The following LAPTM5 variants were observed in gnomAD, a reference collection of about 807,000 sequenced individuals.
The protein encoded by LAPTM5 is lysosomal-associated transmembrane protein 5.
Under a neutral mutation model 30.1 loss-of-function variants are expected in LAPTM5, and 11 were observed. The observed-to-expected ratio is 0.37, with a 90% CI of 0.23 to 0.60. LAPTM5 has a LOEUF of 0.60. Among genes scored for constraint, LAPTM5 ranks in the 20% least tolerant of loss-of-function variants. The pLI is 0.71. For synonymous variants in LAPTM5, 151 were observed against 137.9 expected (o/e 1.10, Z -0.67); for missense variants, 324 against 332.5 (o/e 0.97, Z 0.20).
At position 30,741,757 on chromosome 1, in the gene LAPTM5, CT is replaced by C. The variant is rs146237962; in HGVS notation, c.182-42del. Reference sequence around the variant, plus strand: ...AGCAGGGAGGTGCTCAGGGGTGCCCCTGGGACCCCAGCCAGGCTCCCAGGAC... The same window carrying C: ...AGCAGGGAGGTGCTCAGGGGTGCCCCGGGACCCCAGCCAGGCTCCCAGGAC... On this transcript the variant is annotated intron_variant, in intron 2 of 7. Coordinates refer to ENST00000294507, the MANE Select transcript of LAPTM5 (RefSeq NM_006762.3). The C allele has an allele frequency of 4.7e-3, 6,986 of 1,495,802 alleles. 250 individuals carry two copies. The African/African-American group carries it at 0.082, about 18-fold the overall frequency. The allele number at this position is 1,495,802 out of a possible 1,614,324, so 92.7% of individuals were successfully genotyped here.
intron 1 of LAPTM5, among the ~76,000 whole-genome samples, chr1:30,756,040 T>C (rs1640205265): frequency 1.3e-5 from 2 of 152,172 alleles, no homozygotes; most frequent in African/African-American, 4.8e-5. Context: ...ACCTTACCCC[T>C]GACTTTATAA....
chr1:30,747,905 C>T (rs186983406), intron 1 of LAPTM5, among the ~76,000 whole-genome samples: 2 of 152,162 alleles, frequency 1.3e-5, no homozygotes, highest in African/African-American at 4.8e-5. Context: ...ATCAGAGATG[C>T]TGTTGGTGAT....
In LAPTM5 at chr1:30,757,758, C is replaced by T. The variant is rs779928513; in HGVS notation, c.-13G>A. 6.2e-7 allele frequency: 1 copy of T among 1,611,872 alleles called. No individual in the cohort carries two copies. The highest frequency in any genetic ancestry group is 1.7e-5 in the Admixed American group (1 of 59,914). On this transcript the variant is annotated 5_prime_UTR_variant, in exon 1 of 8. Coordinates refer to ENST00000294507, the MANE Select transcript of LAPTM5 (RefSeq NM_006762.3). ...AGCGGGGGTCCATGGTGCTGCCGTC[C>T]CCTCCTCTGAGACACTGAAGGGGAA... is the stretch of plus-strand genomic sequence containing the variant.
Position 30,733,823 on chromosome 1 carries a change from G to A in LAPTM5, c.*5C>T, listed in dbSNP as rs766623674. Reference sequence around the variant, plus strand: ...CCCAGCACTGGGGCTGGGGCCTGGCGAGGGTCACACCTCTGAGTATGGGGG... The same window carrying A: ...CCCAGCACTGGGGCTGGGGCCTGGCAAGGGTCACACCTCTGAGTATGGGGG... On this transcript the variant is annotated 3_prime_UTR_variant, in exon 8 of 8. Transcript: ENST00000294507. The A allele has an allele frequency of 5.6e-6, 9 of 1,601,268 alleles. No individual in the cohort carries two copies. The highest frequency in any genetic ancestry group is 1.7e-4 in the Middle Eastern group (1 of 6,014).
chr1:30,750,781 G>T (rs751925799), intron 1 of LAPTM5, among the ~76,000 whole-genome samples: 1 of 152,198 alleles, frequency 6.6e-6, no homozygotes, highest in African/African-American at 2.4e-5. Flanking sequence ...CTGTAAAATG[G>T]AGGCCCCCGT....
chr1:30,736,860 T>C (rs1289478290), intron 6 of LAPTM5, among the ~76,000 whole-genome samples: 52 of 152,184 alleles, frequency 3.4e-4, no homozygotes, highest in Admixed American at 3.4e-3. Flanking sequence ...CAGGCCCCCA[T>C]TGTGGCCTCT....
rs183394200 is a variant in LAPTM5 at position 30,743,433 on chromosome 1, G to A, written c.88-884C>T. On this transcript the variant is annotated intron_variant, in intron 1 of 7. Coordinates refer to ENST00000294507, the MANE Select transcript of LAPTM5 (RefSeq NM_006762.3). Reference sequence around the variant, plus strand: ...TGGCCCTAGAAACAACTGAAGTTCAGCCACAAAACTGCAGTTTTAAAGAAC... The same window carrying A: ...TGGCCCTAGAAACAACTGAAGTTCAACCACAAAACTGCAGTTTTAAAGAAC... Among the ~76,000 whole-genome samples, 387 of 152,264 alleles carry A rather than the reference G, an allele frequency of 2.5e-3. 2 individuals are homozygous for A. Among genetic ancestry groups the A allele is most frequent in the African/African-American group, 8.8e-3 (367 of 41,536 alleles).
At chr1:30,752,584 G>A (rs1480043788) in intron 1 of LAPTM5, among the ~76,000 whole-genome samples, 1 of 152,212 alleles carries the variant, frequency 6.6e-6, no homozygotes, top group Non-Finnish European at 1.5e-5. Context: ...CCTCCTCCAA[G>A]AAGCTATTCC....
chr1:30,757,568 C>A, intron 1 of LAPTM5, 91 bp downstream of exon 1: 2 of 1,349,468 alleles, frequency 1.5e-6, no homozygotes, highest in Non-Finnish European at 2.1e-6. Context: ...GGAGTTCTTT[C>A]ATTTGTGGGG....
intron 6 of LAPTM5, among the ~76,000 whole-genome samples, chr1:30,736,340 G>A (rs1639884839): frequency 1.3e-5 from 2 of 152,206 alleles, no homozygotes; most frequent in Non-Finnish European, 2.9e-5. Context: ...AAAGGCTGGG[G>A]GGAAATGCAC....
chr1:30,733,938 A>G, intron 7 of LAPTM5, 21 bp from the exon 8 acceptor site: 1 of 1,606,412 alleles, frequency 6.2e-7, no homozygotes, highest in Non-Finnish European at 8.5e-7. Context: ...CAGAGAGATG[A>G]GGGCTGAGTA....
rs534439389 is a variant in LAPTM5 at position 30,743,027 on chromosome 1, T to C, written c.88-478A>G. 1.2e-4 allele frequency among the ~76,000 whole-genome samples: 18 copies of C among 152,290 alleles called. No individual in the cohort carries two copies. In the South Asian group the frequency reaches 2.3e-3, roughly 19 times the overall value. ...AAGCTCTGGGGATCAGAGAGCACCATAGAGCTTCAGGTTCCCGGAATCATC... is the reference window on the plus strand; with the variant it reads ...AAGCTCTGGGGATCAGAGAGCACCACAGAGCTTCAGGTTCCCGGAATCATC... On this transcript the variant is annotated intron_variant, in intron 1 of 7. Coordinates refer to ENST00000294507, the MANE Select transcript of LAPTM5 (RefSeq NM_006762.3).
intron 7 of LAPTM5, among the ~76,000 whole-genome samples, chr1:30,734,179 C>T (rs1368186097): frequency 6.6e-6 from 1 of 152,316 alleles, no homozygotes; most frequent in Admixed American, 6.5e-5. Flanking sequence ...CTTGGGAAAA[C>T]ATTCTCAGTC....
In LAPTM5 at chr1:30,757,737, G is replaced by A. The variant is rs143468732; in HGVS notation, c.9C>T (p.Pro3=). ...AGGTCTGGCGGACAGTGGACAAGCG[G>A]GGGTCCATGGTGCTGCCGTCCCCTC... MD[P]RLSTVRQTCC... Residue 3 remains proline (P), a synonymous_variant, in exon 1 of 8, where the codon CCC becomes CCT. Coordinates refer to ENST00000294507, the MANE Select transcript of LAPTM5 (RefSeq NM_006762.3). 6 of 1,613,504 alleles carry A rather than the reference G, an allele frequency of 3.7e-6. No individual in the cohort carries two copies. The African/African-American group carries it at 4.0e-5, about 11-fold the overall frequency.
At chr1:30,738,841 A>C (rs1006032351) in intron 5 of LAPTM5, 99 bp downstream of exon 5, 12 of 1,328,060 alleles carry the variant, frequency 9.0e-6, no homozygotes, top group Non-Finnish European at 1.2e-5. Context: ...CTCCAACTCC[A>C]GGGAACCTGG....
chr1:30,733,421 T>G lies in LAPTM5; in HGVS notation c.*407A>C. ...GAACTGACAACTATTTATAAATCAA[T>G]GCAATAGACTGTTGTTTGACCAAAT... On this transcript the variant is annotated 3_prime_UTR_variant, in exon 8 of 8. Coordinates refer to ENST00000294507, the MANE Select transcript of LAPTM5 (RefSeq NM_006762.3). 9 of 800,014 alleles carry G rather than the reference T, an allele frequency of 1.1e-5. No individual in the cohort carries two copies. Among genetic ancestry groups the G allele is most frequent in the Non-Finnish European group, 1.5e-5 (9 of 584,010 alleles). 49.6% of individuals were successfully genotyped at this position (800,014 alleles called of 1,614,324 possible).
At chr1:30,753,157 A>G (rs1640162208) in intron 1 of LAPTM5, among the ~76,000 whole-genome samples, 1 of 152,140 alleles carries the variant, frequency 6.6e-6, no homozygotes, top group African/African-American at 2.4e-5. Context: ...TATAACCCAA[A>G]GCATACAGTA....
chr1:30,738,962 T>A lies in LAPTM5; in HGVS notation c.488A>T (p.Asn163Ile). The stretch of plus-strand genomic sequence containing the variant: ...CACCATGTGGTTCATGGACTTGAAG[T>A]TGAGATAGGTGGGCACTTCCATGTA... ...SSYMEVPTYLNFKSMNHMNYL... is the reference protein window; with the variant it reads ...SSYMEVPTYLIFKSMNHMNYL... Residue 163 changes from asparagine to isoleucine, a missense_variant, in exon 5 of 8, where the codon AAC (asparagine) becomes ATC (isoleucine). Asn to Ile is a moderately radical substitution (Grantham distance 149, BLOSUM62 -3). Coordinates refer to ENST00000294507, the MANE Select transcript of LAPTM5 (RefSeq NM_006762.3). 6.2e-7 allele frequency: 1 copy of A among 1,606,788 alleles called. No individual in the cohort carries two copies. Among genetic ancestry groups the A allele is most frequent in the Non-Finnish European group, 8.5e-7 (1 of 1,177,242 alleles).
intron 6 of LAPTM5, among the ~76,000 whole-genome samples, chr1:30,736,874 A>T (rs1438385031): frequency 6.6e-6 from 1 of 152,140 alleles, no homozygotes; most frequent in Non-Finnish European, 1.5e-5. Context: ...GGCCTCTAGG[A>T]TCCCACAAAA....
Sources: gnomAD v4.1 joint callset for allele counts (sites outside exome capture counted in the v4.1 genomes callset) on GRCh38, gnomAD v4.1.1 for gene constraint, MANE v1.5 for transcripts, NCBI Gene and HGNC (gene_info 2026-07-23, HGNC 2026-07-21) for gene names.